The following TFB2M variants were observed in gnomAD, a reference collection of about 807,000 sequenced individuals.
TFB2M encodes dimethyladenosine transferase 2, mitochondrial.
A neutral mutation model predicts 41.3 loss-of-function variants in TFB2M; 44 were observed. The ratio of observed to expected loss-of-function variants is 1.07; its 90% CI spans 0.84 to 1.37. The LOEUF (loss-of-function observed/expected upper bound fraction) is 1.37. Among genes scored for constraint, TFB2M ranks in the 40% most tolerant of loss-of-function variants. The pLI is 0.00. For missense variants in TFB2M, 496 were observed against 490.2 expected, an observed-to-expected ratio of 1.01 and a Z score of -0.11; for synonymous variants, 188 against 176.8, an observed-to-expected ratio of 1.06 and a Z score of -0.50.
chr1:246,561,608 C>T (rs541015122), intron 2 of TFB2M, among the ~76,000 whole-genome samples: 2 of 152,134 alleles, frequency 1.3e-5, no homozygotes, highest in Non-Finnish European at 2.9e-5. Flanking sequence ...ACTGGGATTA[C>T]AGGCATGAAC....
intron 7 of TFB2M, 139 bp from the exon 8 acceptor site, chr1:246,541,341 C>G (rs960687835): frequency 2.6e-6 from 2 of 764,688 alleles, no homozygotes; most frequent in African/African-American, 3.6e-5. Flanking sequence ...ACGGGAGAAT[C>G]AGCAGGGAAG....
At chr1:246,562,269 G>A (rs936931360) in intron 2 of TFB2M, among the ~76,000 whole-genome samples, 9 of 152,134 alleles carry the variant, frequency 5.9e-5, no homozygotes, top group South Asian at 2.1e-4. Context: ...AAGTTGAAAC[G>A]GAAGATTATA....
intron 4 of TFB2M, among the ~76,000 whole-genome samples, chr1:246,554,194 T>C (rs999805508): frequency 2.6e-5 from 4 of 152,144 alleles, no homozygotes; most frequent in Non-Finnish European, 5.9e-5. Context: ...ATCAAAGACC[T>C]AAACAAGAGC....
intron 2 of TFB2M, among the ~76,000 whole-genome samples, chr1:246,562,833 T>C (rs1219867391): frequency 2.6e-5 from 4 of 152,110 alleles, no homozygotes; most frequent in African/African-American, 9.7e-5. Flanking sequence ...CTAAGTTTTG[T>C]ATTTTTAGTA....
chr1:246,545,314 A>T (rs1229791522), intron 6 of TFB2M, among the ~76,000 whole-genome samples: 1 of 151,972 alleles, frequency 6.6e-6, no homozygotes, highest in African/African-American at 2.4e-5. Flanking sequence ...GGATCACTCG[A>T]GGTCAGGAGT....
intron 6 of TFB2M, among the ~76,000 whole-genome samples, chr1:246,546,117 C>T (rs3120702): frequency 0.22 from 33,198 of 151,116 alleles, 4,146 homozygotes; most frequent in Middle Eastern, 0.39. Context: ...GAGTTAGCGA[C>T]CAGCCTGGGC....
chr1:246,563,993 T>C (rs1659523798), intron 2 of TFB2M, among the ~76,000 whole-genome samples: 1 of 152,218 alleles, frequency 6.6e-6, no homozygotes, highest in Non-Finnish European at 1.5e-5. Context: ...AACCTAATAT[T>C]AGCACTTATT....
At position 246,544,994 on chromosome 1, in the gene TFB2M, A is replaced by G. The variant is rs552395575; in HGVS notation, c.859-313T>C. Among the ~76,000 whole-genome samples the G allele has an allele frequency of 6.9e-3, 1,042 of 151,926 alleles. 10 individuals are homozygous for G. The highest frequency in any genetic ancestry group is 0.034 in the Middle Eastern group (10 of 294). On this transcript the variant is annotated intron_variant, in intron 6 of 7. Transcript: ENST00000366514. ...CTAATTTTTTGTATTTTTAGTAGAG[A>G]TGGGGTTTCACCGTGTTAGCCAGGA...
In TFB2M at chr1:246,554,425, G is replaced by A. The variant is rs372991712; in HGVS notation, c.705+2148C>T. 6.0e-4 allele frequency among the ~76,000 whole-genome samples: 91 copies of A among 152,220 alleles called. No individual in the cohort carries two copies. The East Asian group carries it at 9.8e-3, about 16-fold the overall frequency. On this transcript the variant is annotated intron_variant, in intron 4 of 7. Transcript: ENST00000366514. The stretch of plus-strand genomic sequence containing the variant: ...GCCGCTCCCCACCGTTCACATCACC[G>A]CCTGAGCTCCACCTCCTCTCAGATC...
chr1:246,566,030 G>A lies in TFB2M; in HGVS notation c.109C>T (p.Pro37Ser), dbSNP rs781182438. Residue 37 changes from proline (P) to serine (S), a missense_variant, in exon 1 of 8, where the codon CCG (proline) becomes TCG (serine). Physicochemically the swap from Pro to Ser is moderately conservative, Grantham distance 74. Transcript: ENST00000366514. ...GAGAGCCCACAGTGGTTCCTCGCCGGCAAATGCTTTCGCGTCGCCGCTTCA... is the reference window on the plus strand; with the variant it reads ...GAGAGCCCACAGTGGTTCCTCGCCGACAAATGCTTTCGCGTCGCCGCTTCA... ...GSEAATRKHL[P>S]ARNHCGLSDS... 3.1e-6 allele frequency: 5 copies of A among 1,613,986 alleles called. No individual in the cohort carries two copies. In the East Asian group the frequency reaches 1.1e-4, roughly 36 times the overall value.
At chr1:246,551,637 C>T (rs1274552977) in intron 4 of TFB2M, among the ~76,000 whole-genome samples, 1 of 151,002 alleles carries the variant, frequency 6.6e-6, no homozygotes, top group East Asian at 1.9e-4. Context: ...TGGGAGGATG[C>T]TTGAGCCTAG....
chr1:246,563,113 A>G (rs1293162850), intron 2 of TFB2M, among the ~76,000 whole-genome samples: 7 of 151,898 alleles, frequency 4.6e-5, no homozygotes, highest in Non-Finnish European at 1.0e-4. Context: ...ATCCCAGGAG[A>G]CTGAAAGCCT....
At chr1:246,552,678 A>G (rs1216286391) in intron 4 of TFB2M, among the ~76,000 whole-genome samples, 1 of 152,084 alleles carries the variant, frequency 6.6e-6, no homozygotes, top group Non-Finnish European at 1.5e-5. Context: ...AAGCCTGGGC[A>G]ACAGAGCAAG....
chr1:246,560,885 G>A (rs963447166), intron 2 of TFB2M, among the ~76,000 whole-genome samples: 1 of 152,070 alleles, frequency 6.6e-6, no homozygotes, highest in Non-Finnish European at 1.5e-5. Context: ...AGGCTGAGGC[G>A]GGCGGATCAC....
chr1:246,551,338 C>T (rs376433322), intron 4 of TFB2M, 36 bp from the exon 5 acceptor site: 10 of 1,361,292 alleles, frequency 7.3e-6, no homozygotes, highest in Non-Finnish European at 1.1e-5. Context: ...ATGTTATACA[C>T]ATCTATAATC....
intron 4 of TFB2M, among the ~76,000 whole-genome samples, chr1:246,552,414 C>G (rs966658656): frequency 6.6e-6 from 1 of 152,156 alleles, no homozygotes; most frequent in Non-Finnish European, 1.5e-5. Flanking sequence ...ACTAGAGTCT[C>G]AAATCTTAGG....
intron 2 of TFB2M, among the ~76,000 whole-genome samples, chr1:246,558,632 A>G (rs1659382544): frequency 6.6e-6 from 1 of 152,264 alleles, no homozygotes; most frequent in Non-Finnish European, 1.5e-5. Context: ...GTTTCACAGT[A>G]AAGAAAAACA....
intron 2 of TFB2M, among the ~76,000 whole-genome samples, chr1:246,561,013 A>AAC (rs1659442712): frequency 6.6e-6 from 1 of 152,268 alleles, no homozygotes; most frequent in African/African-American, 2.4e-5. Context: ...TCACCACTGA[A>AAC]ACTCCTTTCA....
At chr1:246,551,186 G>T in intron 5 of TFB2M, 27 bp downstream of exon 5, 1 of 1,586,190 alleles carries the variant, frequency 6.3e-7, no homozygotes, top group Non-Finnish European at 8.6e-7. Context: ...AAAGAAAAAC[G>T]TTTTTAAACA....
Sources: gnomAD v4.1 joint callset for allele counts (sites outside exome capture counted in the v4.1 genomes callset) on GRCh38, gnomAD v4.1.1 for gene constraint, MANE v1.5 for transcripts, NCBI Gene and HGNC (gene_info 2026-07-23, HGNC 2026-07-21) for gene names.